The following IMPG1 variants were observed in gnomAD, a reference collection of about 807,000 sequenced individuals.
IMPG1 encodes the protein interphotoreceptor matrix proteoglycan of 150 kDa.
IMPG1 carries 85 observed loss-of-function variants against 92.0 expected under a neutral mutation model. The ratio of observed to expected loss-of-function variants is 0.92; its 90% CI spans 0.78 to 1.11. The LOEUF is 1.11. Ranked by LOEUF, IMPG1 falls within the 50% of genes least tolerant of loss-of-function variation. The pLI is 0.00. For missense variants in IMPG1, 1,022 were observed against 956.0 expected (o/e 1.07, Z -0.91); for synonymous variants, 367 against 334.1 (o/e 1.10, Z -1.08).
chr6:75,942,900 C>T (rs538434948), intron 14 of IMPG1, among the ~76,000 whole-genome samples: 23 of 152,276 alleles, frequency 1.5e-4, no homozygotes, highest in African/African-American at 4.8e-4. Flanking sequence ...TATAGGAGTA[C>T]TGATGCTAGA....
At chr6:75,977,893 C>T (rs796382316) in intron 12 of IMPG1, among the ~76,000 whole-genome samples, 38 of 152,012 alleles carry the variant, frequency 2.5e-4, no homozygotes, top group African/African-American at 8.7e-4. Flanking sequence ...AATTTTATAC[C>T]TTAAAAAGTG....
At position 76,047,631 on chromosome 6, in the gene IMPG1, C is replaced by T. The variant is rs78278466; in HGVS notation, c.68-5505G>A. Among the ~76,000 whole-genome samples, 898 of 152,250 alleles carry T rather than the reference C, an allele frequency of 5.9e-3. 28 individuals are homozygous for T. The East Asian group carries it at 0.06, about 10-fold the overall frequency. ...CTCCCCTCTCCAGTTCACCTTGGTG[C>T]TTGCCTAGTACAATGTTTTGTACAT... is the stretch of plus-strand genomic sequence containing the variant. On this transcript the variant is annotated intron_variant, in intron 1 of 16. Coordinates refer to ENST00000369950, the MANE Select transcript of IMPG1 (RefSeq NM_001563.4).
chr6:75,987,653 T>TG lies in IMPG1; in HGVS notation c.1291+15264_1291+15265insC, dbSNP rs1230686839. On this transcript the variant is annotated intron_variant, in intron 12 of 16. Coordinates refer to ENST00000369950, the MANE Select transcript of IMPG1 (RefSeq NM_001563.4). ...AAAGGACATGAACTCATCACTTTTT[T>TG]TTTTTTTTTGAGACAGGGTCTCACT... 2.0e-5 allele frequency among the ~76,000 whole-genome samples: 3 copies of TG among 151,676 alleles called. No individual in the cohort carries two copies. In the East Asian group the frequency reaches 5.8e-4, roughly 30 times the overall value.
At chr6:75,981,604 A>G (rs554138415) in intron 12 of IMPG1, among the ~76,000 whole-genome samples, 4 of 152,350 alleles carry the variant, frequency 2.6e-5, no homozygotes, top group South Asian at 2.1e-4. Flanking sequence ...AGAACTGGTA[A>G]GATAGTTTTT....
At chr6:75,999,267 C>T (rs769988925) in intron 12 of IMPG1, among the ~76,000 whole-genome samples, 1 of 152,166 alleles carries the variant, frequency 6.6e-6, no homozygotes, top group African/African-American at 2.4e-5. Flanking sequence ...TACAACATAC[C>T]AATTCTTTTA....
chr6:76,012,626 G>A (rs144061840), intron 7 of IMPG1, among the ~76,000 whole-genome samples: 135 of 152,332 alleles, frequency 8.9e-4, no homozygotes, highest in Middle Eastern at 6.8e-3. Context: ...GCTTGGGAGA[G>A]AGAGCAGGGT....
At chr6:76,057,099 A>G (rs1232529661) in intron 1 of IMPG1, among the ~76,000 whole-genome samples, 1 of 152,188 alleles carries the variant, frequency 6.6e-6, no homozygotes, top group Admixed American at 6.5e-5. Flanking sequence ...AAATGATGAG[A>G]ACACATGGAT....
chr6:76,001,469 T>C (rs1782988948), intron 12 of IMPG1, among the ~76,000 whole-genome samples: 1 of 152,186 alleles, frequency 6.6e-6, no homozygotes, highest in Admixed American at 6.5e-5. Context: ...AGATGGGCTC[T>C]GCAGCTGCCT....
intron 14 of IMPG1, among the ~76,000 whole-genome samples, chr6:75,939,863 G>A (rs978027619): frequency 6.6e-6 from 1 of 152,180 alleles, no homozygotes; most frequent in Non-Finnish European, 1.5e-5. Flanking sequence ...AAGACAAGAG[G>A]TAGACAGCCT....
intron 1 of IMPG1, among the ~76,000 whole-genome samples, chr6:76,062,263 T>A (rs1372859609): frequency 6.6e-6 from 1 of 152,234 alleles, no homozygotes; most frequent in African/African-American, 2.4e-5. Context: ...TTTATTGCAA[T>A]GTTATTTGCC....
At chr6:75,955,454 C>T (rs1441563392) in intron 12 of IMPG1, among the ~76,000 whole-genome samples, 1 of 152,122 alleles carries the variant, frequency 6.6e-6, no homozygotes. Context: ...GATTTTTGCA[C>T]ATTGATTTTG....
At chr6:76,031,562 C>CTATTCTT (rs1783653780) in intron 4 of IMPG1, among the ~76,000 whole-genome samples, 1 of 152,160 alleles carries the variant, frequency 6.6e-6, no homozygotes, top group Non-Finnish European at 1.5e-5. Flanking sequence ...TTGAAATTAG[C>CTATTCTT]TATTCTTGTT....
intron 1 of IMPG1, among the ~76,000 whole-genome samples, chr6:76,047,383 G>C (rs980389745): frequency 6.6e-6 from 1 of 152,120 alleles, no homozygotes; most frequent in Non-Finnish European, 1.5e-5. Flanking sequence ...GTTCCTCCAG[G>C]GTGGTTCATA....
At chr6:76,047,125 A>G (rs955844567) in intron 1 of IMPG1, among the ~76,000 whole-genome samples, 6 of 151,760 alleles carry the variant, frequency 4.0e-5, no homozygotes, top group Non-Finnish European at 7.4e-5. Flanking sequence ...CTGCCCTACC[A>G]CTCTTCTTTT....
At chr6:76,030,851 A>G (rs1489571396) in intron 4 of IMPG1, among the ~76,000 whole-genome samples, 2 of 152,158 alleles carry the variant, frequency 1.3e-5, no homozygotes, top group Non-Finnish European at 2.9e-5. Context: ...TGAGACAGCC[A>G]AGTGGGGAGG....
At chr6:75,976,904 C>T (rs1004692273) in intron 12 of IMPG1, among the ~76,000 whole-genome samples, 3 of 131,686 alleles carry the variant, frequency 2.3e-5, no homozygotes, top group Non-Finnish European at 3.3e-5. Context: ...AGTAAGATTC[C>T]GTCTTAAAAA....
At chr6:76,023,566 C>G (rs1353282650) in intron 5 of IMPG1, among the ~76,000 whole-genome samples, 1 of 152,156 alleles carries the variant, frequency 6.6e-6, no homozygotes, top group African/African-American at 2.4e-5. Flanking sequence ...ACCTAGGCAC[C>G]TAGTAACATT....
At chr6:76,067,935 A>G (rs1784340221) in intron 1 of IMPG1, among the ~76,000 whole-genome samples, 1 of 152,182 alleles carries the variant, frequency 6.6e-6, no homozygotes, top group Non-Finnish European at 1.5e-5. Flanking sequence ...AAAAACAAAA[A>G]CTATAAGATC....
intron 12 of IMPG1, among the ~76,000 whole-genome samples, chr6:75,991,881 C>A (rs997958839): frequency 1.3e-5 from 2 of 152,044 alleles, no homozygotes; most frequent in African/African-American, 4.8e-5. Context: ...TATAAGGCAC[C>A]TTGTTTTTTT....
Sources: allele counts gnomAD v4.1 joint callset (sites outside exome capture counted in the v4.1 genomes callset), GRCh38; gene constraint gnomAD v4.1.1; transcripts MANE v1.5; gene names NCBI Gene and HGNC (gene_info 2026-07-23, HGNC 2026-07-21).